Variants in OSMR observed in about 807,000 individuals in gnomAD.
OSMR encodes oncostatin-M-specific receptor subunit beta.
In OSMR, 81 loss-of-function variants were observed where a neutral mutation model predicts 99.9. That is an observed-to-expected ratio of 0.81 (90% confidence interval 0.68 to 0.97). The LOEUF is 0.97. Ranked by LOEUF, OSMR falls within the 50% of genes least tolerant of loss-of-function variation. OSMR has a pLI of 0.00. For missense variants in OSMR, 1,099 were observed against 1,153.4 expected (o/e 0.95, Z 0.68); for synonymous variants, 406 against 410.4 (o/e 0.99, Z 0.13).
At chr5:38,909,901 T>C (rs1745465016) in intron 9 of OSMR, among the ~76,000 whole-genome samples, 1 of 152,134 alleles carries the variant, frequency 6.6e-6, no homozygotes, top group African/African-American at 2.4e-5. Context: ...TGCGCACAGG[T>C]TACATGCCCC....
chr5:38,882,997 A>G (rs1743414112), intron 4 of OSMR, among the ~76,000 whole-genome samples: 1 of 152,224 alleles, frequency 6.6e-6, no homozygotes, highest in African/African-American at 2.4e-5. Flanking sequence ...GGACACATAC[A>G]CAGGGAAAGA....
chr5:38,866,014 G>A (rs1741908485), intron 1 of OSMR, among the ~76,000 whole-genome samples: 1 of 152,172 alleles, frequency 6.6e-6, no homozygotes, highest in South Asian at 2.1e-4. Context: ...TGCTGGTGGT[G>A]TTAGACTGGG....
intron 3 of OSMR, among the ~76,000 whole-genome samples, chr5:38,876,671 C>T (rs748148626): frequency 1.3e-5 from 2 of 152,138 alleles, no homozygotes; most frequent in Non-Finnish European, 2.9e-5. Context: ...CAGAGAGCCA[C>T]GAAGATTAAC....
Position 38,883,904 on chromosome 5 carries a change from A to G in OSMR, c.496A>G (p.Ile166Val). ...GGTGGAAGAAGGCACCAATGTTACC[A>G]TTTGTTACGTTTCTAGGAACATTCA... is the stretch of plus-strand genomic sequence containing the variant. Reference protein sequence around the residue: ...KLVEEGTNVTICYVSRNIQNN... With the variant: ...KLVEEGTNVTVCYVSRNIQNN... Residue 166 changes from isoleucine to valine, a missense_variant, in exon 5 of 18, where the codon ATT becomes GTT. Transcript: ENST00000274276. 1 of 1,613,718 alleles carries G rather than the reference A, an allele frequency of 6.2e-7. No homozygotes were observed. Among genetic ancestry groups the G allele is most frequent in the Non-Finnish European group, 8.5e-7 (1 of 1,179,696 alleles).
intron 1 of OSMR, among the ~76,000 whole-genome samples, chr5:38,857,272 G>T (rs1164321599): frequency 1.3e-5 from 2 of 152,172 alleles, no homozygotes; most frequent in Non-Finnish European, 2.9e-5. Context: ...TATGAGATGA[G>T]ATTTCCTTTC....
intron 1 of OSMR, among the ~76,000 whole-genome samples, chr5:38,863,965 A>T (rs900594490): frequency 6.6e-6 from 1 of 152,190 alleles, no homozygotes; most frequent in African/African-American, 2.4e-5. Context: ...ATCTAAATAC[A>T]GCTACTCTCA....
At chr5:38,894,849 A>T (rs2112476718) in intron 7 of OSMR, among the ~76,000 whole-genome samples, 1 of 152,176 alleles carries the variant, frequency 6.6e-6, no homozygotes, top group Middle Eastern at 3.4e-3. Flanking sequence ...AACACTGGAC[A>T]AATTGGGCTT....
chr5:38,903,880 A>T lies in OSMR; in HGVS notation c.992-2A>T. ...TTTGTTTCTTTTTCTTTTTTTTGAC[A>T]GTTTATTTAATGAATCCTTTTAGTG... On this transcript the variant is annotated splice_acceptor_variant, in intron 7 of 17. Transcript: ENST00000274276. LOFTEE classifies it high-confidence loss of function. 6.2e-7 allele frequency: 1 copy of T among 1,609,734 alleles called. No homozygotes were observed. Among genetic ancestry groups the T allele is most frequent in the Non-Finnish European group, 8.5e-7 (1 of 1,177,978 alleles).
intron 5 of OSMR, 66 bp downstream of exon 5, chr5:38,884,177 A>C: frequency 8.4e-7 from 1 of 1,194,532 alleles, no homozygotes. Flanking sequence ...AATCTCCTTT[A>C]CTAGAAGACA....
At chr5:38,919,738 T>C (rs1746135766) in intron 11 of OSMR, among the ~76,000 whole-genome samples, 1 of 152,204 alleles carries the variant, frequency 6.6e-6, no homozygotes, top group Admixed American at 6.5e-5. Flanking sequence ...TTCATGAACC[T>C]TGCAATAATA....
At chr5:38,923,289 G>T in intron 13 of OSMR, 35 bp downstream of exon 13, 1 of 1,263,626 alleles carries the variant, frequency 7.9e-7, no homozygotes, top group South Asian at 1.2e-5. Flanking sequence ...CCCATGTGCA[G>T]ACTTGTTCAG....
chr5:38,889,428 G>A (rs529091689), intron 7 of OSMR, among the ~76,000 whole-genome samples: 1 of 151,720 alleles, frequency 6.6e-6, no homozygotes, highest in African/African-American at 2.4e-5. Context: ...TATCTGTTGT[G>A]TTTTTTTGCT....
At chr5:38,880,098 A>T (rs1743158604) in intron 3 of OSMR, among the ~76,000 whole-genome samples, 1 of 152,186 alleles carries the variant, frequency 6.6e-6, no homozygotes, top group Non-Finnish European at 1.5e-5. Context: ...GGAAGCCCAC[A>T]ATTAAATGCC....
intron 3 of OSMR, among the ~76,000 whole-genome samples, chr5:38,877,930 G>A (rs939173289): frequency 2.0e-5 from 3 of 152,310 alleles, no homozygotes; most frequent in South Asian, 2.1e-4. Flanking sequence ...AGCAGCTAGT[G>A]TGGACTATTT....
At position 38,904,298 on chromosome 5, in the gene OSMR, G is replaced by A; in HGVS notation, c.1135-55G>A. Reference sequence around the variant, plus strand: ...TTTGTAATGGGATGCACTCACCAATGTTTCTGTCTTGTTCTTTTCTCTTTT... The same window carrying A: ...TTTGTAATGGGATGCACTCACCAATATTTCTGTCTTGTTCTTTTCTCTTTT... On this transcript the variant is annotated intron_variant, in intron 8 of 17. Coordinates refer to ENST00000274276, the MANE Select transcript of OSMR (RefSeq NM_003999.3). The A allele has an allele frequency of 2.5e-6, 4 of 1,570,096 alleles. No homozygotes were observed. In the Admixed American group the frequency reaches 5.7e-5, roughly 22 times the overall value.
At position 38,901,407 on chromosome 5, in the gene OSMR, C is replaced by T. The variant is rs537553226; in HGVS notation, c.992-2475C>T. Reference sequence around the variant, plus strand: ...GACATGATCTTAAATGTGCCAGTTTCGATGTGCCAGTTTCATTTAATAATC... The same window carrying T: ...GACATGATCTTAAATGTGCCAGTTTTGATGTGCCAGTTTCATTTAATAATC... On this transcript the variant is annotated intron_variant, in intron 7 of 17. Transcript: ENST00000274276. Among the ~76,000 whole-genome samples the T allele has an allele frequency of 1.1e-4, 17 of 152,216 alleles. No homozygotes were observed. The South Asian group carries it at 2.9e-3, about 26-fold the overall frequency.
At chr5:38,859,065 G>A (rs1020290548) in intron 1 of OSMR, among the ~76,000 whole-genome samples, 20 of 152,130 alleles carry the variant, frequency 1.3e-4, no homozygotes, top group South Asian at 4.1e-4. Flanking sequence ...TCTTCACTCC[G>A]TTGATTGTTT....
chr5:38,906,942 T>C (rs1168954138), intron 9 of OSMR, among the ~76,000 whole-genome samples: 1 of 152,238 alleles, frequency 6.6e-6, no homozygotes, highest in Non-Finnish European at 1.5e-5. Flanking sequence ...TTTGTTAATT[T>C]CGTGACAGTT....
Position 38,944,614 on chromosome 5 carries a change from T to A in OSMR, c.*86+295T>A, listed in dbSNP as rs762121232. 6.8e-6 allele frequency: 10 copies of A among 1,472,058 alleles called. No homozygotes were observed. The South Asian group carries it at 1.1e-4, about 17-fold the overall frequency. The allele number at this position is 1,472,058 out of a possible 1,614,324, so 91.2% of individuals were successfully genotyped here. On this transcript the variant is annotated intron_variant and NMD_transcript_variant, in intron 2 of 2. Coordinates refer to the OSMR transcript ENST00000508882. ...AAGTTAAATATTATCTATGTCACAA[T>A]AAAATGATTAAAACTCATGAAATTT... is the stretch of plus-strand genomic sequence containing the variant.
Sources: gnomAD v4.1 joint callset for allele counts (sites outside exome capture counted in the v4.1 genomes callset) on GRCh38, gnomAD v4.1.1 for gene constraint, MANE v1.5 for transcripts, NCBI Gene and HGNC (gene_info 2026-07-23, HGNC 2026-07-21) for gene names.